PLEKHG2: variants seen among roughly 807,000 people sequenced by gnomAD.
PLEKHG2 encodes pleckstrin homology and RhoGEF domain containing G2.
A neutral mutation model predicts 104.4 loss-of-function variants in PLEKHG2; 71 were observed. The ratio of observed to expected loss-of-function variants is 0.68; its 90% CI spans 0.56 to 0.83. PLEKHG2 has a LOEUF of 0.83. PLEKHG2 is among the 40% of genes least tolerant of loss of function. The probability of loss-of-function intolerance (pLI) is 0.00; values close to 1 mark genes in which losing one functional copy is unlikely to be tolerated. For synonymous variants in PLEKHG2, 728 were observed against 737.0 expected (o/e 0.99, Z 0.20); for missense variants, 1,730 against 1,809.4 (o/e 0.96, Z 0.80).
In PLEKHG2 at chr19:39,427,617, A is replaced by C. The variant is rs973432870; in HGVS notation, c.*2323A>C. ...AGTGTTGGGTTTACAGGCGTGAGCTACCATACCCTGCCCAGGAATCTGAAT... is the reference window on the plus strand; with the variant it reads ...AGTGTTGGGTTTACAGGCGTGAGCTCCCATACCCTGCCCAGGAATCTGAAT... On this transcript the variant is annotated 3_prime_UTR_variant, in exon 19 of 19. Coordinates refer to ENST00000425673, the MANE Select transcript of PLEKHG2 (RefSeq NM_022835.3). The C allele has an allele frequency of 1.3e-5, 2 of 152,238 alleles. No individual in the cohort carries two copies. The highest frequency in any genetic ancestry group is 2.9e-5 in the Non-Finnish European group (2 of 68,050). 9.4% of individuals were successfully genotyped at this position (152,238 alleles called of 1,614,324 possible).
Position 39,416,876 on chromosome 19 carries a change from C to G in PLEKHG2, c.620C>G (p.Ser207Trp), listed in dbSNP as rs566214167. 6.2e-7 allele frequency: 1 copy of G among 1,610,736 alleles called. No homozygotes were observed. The highest frequency in any genetic ancestry group is 1.3e-5 in the African/African-American group (1 of 74,884). Residue 207 changes from serine (S) to tryptophan (W), a missense_variant, in exon 7 of 19, where the codon TCG becomes TGG. Coordinates refer to ENST00000425673, the MANE Select transcript of PLEKHG2 (RefSeq NM_022835.3). This position sits in a 1 kb window ranked among gnomAD's most constrained non-coding sequence, Gnocchi z 4.5. ...PSSLALLRELSLSPPAALWLQ... is the reference protein window; with the variant it reads ...PSSLALLRELWLSPPAALWLQ... ...TCCCTGGCCCTGCTCCGGGAGCTGT[C>G]GTTGTCTCCGCCAGCAGCCCTGTGG...
rs1018312381 is a variant in PLEKHG2 at position 39,425,455 on chromosome 19, C to T, written c.*161C>T. 1 of 1,162,528 alleles carries T rather than the reference C, an allele frequency of 8.6e-7. No individual in the cohort carries two copies. Among genetic ancestry groups the T allele is most frequent in the Admixed American group, 3.5e-5 (1 of 28,708 alleles). 72.0% of individuals were successfully genotyped at this position (1,162,528 alleles called of 1,614,324 possible). ...GCGAATGGCCCTTCTTGCCTTGATC[C>T]ACAGGGATGGGGAAGGGAGGAATGT... On this transcript the variant is annotated 3_prime_UTR_variant, in exon 19 of 19. Transcript: ENST00000425673.
At chr19:39,418,129 C>T (rs1183331669) in intron 9 of PLEKHG2, 24 bp downstream of exon 9, 1 of 1,478,746 alleles carries the variant, frequency 6.8e-7, no homozygotes, top group East Asian at 2.4e-5. Context: ...TGGGGTGGGG[C>T]TAGAATACTA....
At chr19:39,414,037 G>T in intron 1 of PLEKHG2, 28 bp from the exon 2 acceptor site, 1 of 1,496,830 alleles carries the variant, frequency 6.7e-7, no homozygotes, top group Non-Finnish European at 9.1e-7. Context: ...ATGGGGTCCT[G>T]ATATCCAAGA....
chr19:39,422,619 C>A, intron 17 of PLEKHG2, 113 bp from the exon 18 acceptor site: 1 of 1,345,390 alleles, frequency 7.4e-7, no homozygotes, highest in South Asian at 1.9e-5. Context: ...GAACTCGTAA[C>A]CTCAAGTGAC....
Position 39,424,300 on chromosome 19 carries a change from C to G in PLEKHG2, c.3167C>G (p.Thr1056Arg), listed in dbSNP as rs756391935. 1.9e-6 allele frequency: 3 copies of G among 1,614,202 alleles called. No individual in the cohort carries two copies. In the East Asian group the frequency reaches 6.7e-5, roughly 36 times the overall value. ...GAGAGCCCAACCAATATCCCACTGA[C>G]AAAGCAAGGAGGTTCCAGGGATGTT... ...DSESPTNIPL[T>R]KQGGSRDVQG... Residue 1056 changes from threonine to arginine, a missense_variant, in exon 19 of 19, where the codon ACA becomes AGA. Physicochemically the swap from Thr to Arg is moderately conservative, Grantham distance 71. Coordinates refer to ENST00000425673, the MANE Select transcript of PLEKHG2 (RefSeq NM_022835.3).
At chr19:39,422,477 A>G (rs2078714678) in intron 17 of PLEKHG2, among the ~76,000 whole-genome samples, 189 bp downstream of exon 17, 1 of 151,892 alleles carries the variant, frequency 6.6e-6, no homozygotes, top group Non-Finnish European at 1.5e-5. Flanking sequence ...TCCCAGGTTC[A>G]AGCGATTCTC....
chr19:39,422,992 C>T lies in PLEKHG2; in HGVS notation c.1938C>T (p.Ser646=), dbSNP rs1173874827. The change falls in exon 18 of 19, where the codon AGC becomes AGT. Residue 646 remains serine, a synonymous_variant. Coordinates refer to ENST00000425673, the MANE Select transcript of PLEKHG2 (RefSeq NM_022835.3). ...PDVPNLPEIP[S]RCEIPEGSRL... is the part of the protein sequence containing the mutation. ...TGCCCAACCTTCCTGAAATTCCCAG[C>T]CGCTGTGAAATTCCCGAAGGTTCTC... is the stretch of plus-strand genomic sequence containing the variant. 2 of 1,614,202 alleles carry T rather than the reference C, an allele frequency of 1.2e-6. No homozygotes were observed. Among genetic ancestry groups the T allele is most frequent in the Admixed American group, 3.3e-5 (2 of 60,022 alleles).
intron 16 of PLEKHG2, 24 bp from the exon 17 acceptor site, chr19:39,422,091 T>C: frequency 6.3e-7 from 1 of 1,593,320 alleles, no homozygotes; most frequent in Non-Finnish European, 8.5e-7. Context: ...GGCTCTTGCC[T>C]TCCATTGCTT....
chr19:39,417,728 G>T, intron 8 of PLEKHG2, 36 bp downstream of exon 8: 1 of 1,600,712 alleles, frequency 6.2e-7, no homozygotes, highest in Non-Finnish European at 8.5e-7. Flanking sequence ...GCTGGATGAG[G>T]GAGTGAGCGA....
In PLEKHG2 at chr19:39,415,263, A is replaced by G. The variant is rs3859551; in HGVS notation, c.378+3A>G. On this transcript the variant is annotated splice_donor_region_variant and intron_variant, in intron 3 of 18. Transcript: ENST00000425673. The surrounding 1 kb of genome is among the most constrained non-coding windows in gnomAD (Gnocchi z 4.6). ...GGGACCTCCGCAGCATCGTGGAGGT[A>G]AGGCGGGCAGACACCAGAGGGCAGT... The G allele has an allele frequency of 0.19, 295,075 of 1,594,778 alleles. 28,420 individuals carry two copies. The highest frequency in any genetic ancestry group is 0.25 in the African/African-American group (18,299 of 74,554).
chr19:39,418,007 CGGCTACGAG>C lies in PLEKHG2; in HGVS notation c.988_996del (p.Leu330_Gly332del). On this transcript the variant is annotated inframe_deletion, in exon 9 of 19. Coordinates refer to ENST00000425673, the MANE Select transcript of PLEKHG2 (RefSeq NM_022835.3). ...CCGAGGAGGCGGAGGGGGTGGCCCCCGGCTACGAGGGGGTGAGCGGCTGCTCTTCCTGTT... is the reference window on the plus strand; with the variant it reads ...CCGAGGAGGCGGAGGGGGTGGCCCCCGGGGTGAGCGGCTGCTCTTCCTGTT... 6.4e-7 allele frequency: 1 copy of C among 1,559,428 alleles called. No homozygotes were observed. Among genetic ancestry groups the C allele is most frequent in the South Asian group, 1.2e-5 (1 of 83,942 alleles).
At position 39,425,357 on chromosome 19, in the gene PLEKHG2, T is replaced by C. The variant is rs765288081; in HGVS notation, c.*63T>C. The C allele has an allele frequency of 1.9e-6, 3 of 1,541,410 alleles. No homozygotes were observed. The East Asian group carries it at 6.9e-5, about 35-fold the overall frequency. On this transcript the variant is annotated 3_prime_UTR_variant, in exon 19 of 19. Transcript: ENST00000425673. ...CCAGATGCCATAGACCCTCAGAACT[T>C]GACCTGGAAGTCCAGACACTGAACG...
rs1330489734 is a variant in PLEKHG2, at chr19:39,413,066, C to T, written c.-369C>T. 6.6e-6 allele frequency: 1 copy of T among 152,102 alleles called. No individual in the cohort carries two copies. 9.4% of individuals were successfully genotyped at this position (152,102 alleles called of 1,614,324 possible). A position where few individuals can be genotyped will look rare whatever the true frequency, so the allele number is the denominator to read the frequency against. ...TTCAAGGGGACCCAGGACTTTGGGA[C>T]CCCCCTGTGCTCCCACCTGGAGGGA... On this transcript the variant is annotated 5_prime_UTR_variant, in exon 1 of 19. Coordinates refer to ENST00000425673, the MANE Select transcript of PLEKHG2 (RefSeq NM_022835.3). This position sits in a 1 kb window ranked among gnomAD's most constrained non-coding sequence, Gnocchi z 4.5.
In PLEKHG2 at chr19:39,423,401, G is replaced by C. The variant is rs750781262; in HGVS notation, c.2347G>C (p.Gly783Arg). 5.6e-6 allele frequency: 9 copies of C among 1,610,962 alleles called. No homozygotes were observed. The Admixed American group carries it at 1.5e-4, about 27-fold the overall frequency. Residue 783 changes from glycine to arginine, a missense_variant, in exon 18 of 19, where the codon GGC becomes CGC. Physicochemically the swap from Gly to Arg is moderately radical, Grantham distance 125. Transcript: ENST00000425673. ...ALEQGQLARPGFPEPLLILED... is the reference protein window; with the variant it reads ...ALEQGQLARPRFPEPLLILED... Reference sequence around the variant, plus strand: ...GGAACAGGGACAGCTGGCCCGGCCAGGCTTCCCAGAGCCACTGCTGATCCT... The same window carrying C: ...GGAACAGGGACAGCTGGCCCGGCCACGCTTCCCAGAGCCACTGCTGATCCT...
Position 39,423,903 on chromosome 19 carries a change from A to G in PLEKHG2, c.2770A>G (p.Lys924Glu), listed in dbSNP as rs1462922542. 1 of 1,614,178 alleles carries G rather than the reference A, an allele frequency of 6.2e-7. No individual in the cohort carries two copies. The highest frequency in any genetic ancestry group is 1.1e-5 in the South Asian group (1 of 91,086). ...GGGTCTACATGTTTCCAATTTGCCTAAGCAAGACCTTCCGGGCATCCACGT... is the reference window on the plus strand; with the variant it reads ...GGGTCTACATGTTTCCAATTTGCCTGAGCAAGACCTTCCGGGCATCCACGT... ...GQGLHVSNLP[K>E]QDLPGIHVSA... The change falls in exon 19 of 19, where the codon AAG (lysine) becomes GAG (glutamate). Residue 924 changes from lysine to glutamate, a missense_variant. Physicochemically the swap from Lys to Glu is moderately conservative, Grantham distance 56. Transcript: ENST00000425673.
At position 39,423,819 on chromosome 19, in the gene PLEKHG2, G is replaced by T. The variant is rs1243462987; in HGVS notation, c.2686G>T (p.Ala896Ser). The change falls in exon 19 of 19, where the codon GCT becomes TCT. Residue 896 changes from alanine to serine, a missense_variant. Coordinates refer to ENST00000425673, the MANE Select transcript of PLEKHG2 (RefSeq NM_022835.3). ...CCAGGAGTCTGTCCCCCTGGGTCCT[G>T]CTGTCTGGGTTCAAGCTGCCATACC... Reference protein sequence around the residue: ...CAQESVPLGPAVWVQAAIPLS... With the variant: ...CAQESVPLGPSVWVQAAIPLS... 6.2e-7 allele frequency: 1 copy of T among 1,614,162 alleles called. No homozygotes were observed. Among genetic ancestry groups the T allele is most frequent in the Non-Finnish European group, 8.5e-7 (1 of 1,180,040 alleles).
rs2078609813 is a variant in PLEKHG2 at position 39,416,664 on chromosome 19, AC to A, written c.593+70del. 2 of 1,585,410 alleles carry A rather than the reference AC, an allele frequency of 1.3e-6. No homozygotes were observed. The highest frequency in any genetic ancestry group is 1.7e-5 in the Admixed American group (1 of 59,612). Reference sequence around the variant, plus strand: ...CAAGCTGATGTGCCAGTCACCCGTCACCCTCCCTCTACCCCCGACCCATCCA... The same window carrying A: ...CAAGCTGATGTGCCAGTCACCCGTCACCTCCCTCTACCCCCGACCCATCCA... On this transcript the variant is annotated intron_variant, in intron 6 of 18. Coordinates refer to ENST00000425673, the MANE Select transcript of PLEKHG2 (RefSeq NM_022835.3). The surrounding 1 kb of genome is among the most constrained non-coding windows in gnomAD (Gnocchi z 4.5).
chr19:39,419,114 G>A, intron 11 of PLEKHG2, 111 bp downstream of exon 11: 1 of 983,858 alleles, frequency 1.0e-6, no homozygotes, highest in Non-Finnish European at 1.4e-6. Flanking sequence ...TAATGTGATT[G>A]CTAAAAGTGC....
Sources: gnomAD v4.1 joint callset for allele counts (sites outside exome capture counted in the v4.1 genomes callset) on GRCh38, gnomAD v4.1.1 for gene constraint, Gnocchi (gnomAD v3.1) non-coding constraint, MANE v1.5 for transcripts, NCBI Gene and HGNC (gene_info 2026-07-23, HGNC 2026-07-21) for gene names.